The following RCOR2 variants were observed in gnomAD, a reference collection of about 807,000 sequenced individuals.
RCOR2 encodes REST corepressor 2.
Under a neutral mutation model 58.9 loss-of-function variants are expected in RCOR2, and 19 were observed. The observed-to-expected ratio is 0.32, with a 90% CI of 0.23 to 0.47. The LOEUF (loss-of-function observed/expected upper bound fraction) is 0.47. RCOR2 is among the 20% of genes least tolerant of loss of function. The pLI, the probability that RCOR2 is intolerant of heterozygous loss-of-function variation, is 1.00. For synonymous variants in RCOR2, 286 were observed against 278.7 expected (o/e 1.03, Z -0.26); for missense variants, 590 against 707.9 (o/e 0.83, Z 1.89).
chr11:63,923,320 C>T, the RCOR2 span, among the ~76,000 whole-genome samples: 2 of 151,954 alleles, frequency 1.3e-5, no homozygotes, highest in African/African-American at 2.4e-5. Context: ...CTGCACCTCC[C>T]GTACCCCACT....
chr11:63,918,034 G>A (rs1438047088), upstream of RCOR2, among the ~76,000 whole-genome samples: 2 of 152,022 alleles, frequency 1.3e-5, no homozygotes, highest in South Asian at 2.1e-4. Context: ...CACCGGCGGC[G>A]GCTCCGAGCC....
chr11:63,913,506 G>A (rs1481925000), intron 8 of RCOR2, among the ~76,000 whole-genome samples: 12 of 47,408 alleles, frequency 2.5e-4, no homozygotes, highest in Non-Finnish European at 8.0e-4. Context: ...TTTTTGAGAC[G>A]GAATCTCACT....
Position 63,911,698 on chromosome 11 carries a change from A to T in RCOR2, c.*167T>A. The T allele has an allele frequency of 8.8e-7, 1 of 1,142,796 alleles. No homozygotes were observed. The highest frequency in any genetic ancestry group is 1.1e-6 in the Non-Finnish European group (1 of 873,432). The allele number at this position is 1,142,796 out of a possible 1,614,324, so 70.8% of individuals were successfully genotyped here. On this transcript the variant is annotated 3_prime_UTR_variant, in exon 12 of 12. Transcript: ENST00000301459. ...GCCCCAGGAGACAGGCCCAGCTGCC[A>T]GGAACACATGCAGAACCCAAAGGGC... is the stretch of plus-strand genomic sequence containing the variant.
chr11:63,917,096 T>TG lies in RCOR2; in HGVS notation c.-641_-640insC, dbSNP rs1941870376. ...CGCACCCTCCCCGGCGCGCTCGCTC[T>TG]CCCCGCCGCGCTCGGGATGCCGCTT... On this transcript the variant is annotated 5_prime_UTR_variant, in exon 1 of 12. Transcript: ENST00000301459. Among the ~76,000 whole-genome samples, 1 of 151,190 alleles carries TG rather than the reference T, an allele frequency of 6.6e-6. No homozygotes were observed. The highest frequency in any genetic ancestry group is 2.4e-5 in the African/African-American group (1 of 41,308).
chr11:63,915,224 C>T lies in RCOR2; in HGVS notation c.219G>A (p.Lys73=), dbSNP rs1284470556. The T allele has an allele frequency of 1.9e-6, 3 of 1,551,344 alleles. No homozygotes were observed. Among genetic ancestry groups the T allele is most frequent in the Admixed American group, 2.0e-5 (1 of 50,996 alleles). The change falls in exon 3 of 12, where the codon AAG becomes AAA. Residue 73 remains lysine (K), a synonymous_variant. Coordinates refer to ENST00000301459, the MANE Select transcript of RCOR2 (RefSeq NM_173587.4). ...SPARYSNKEL[K]GMLVWSPNHC... is the part of the protein sequence containing the mutation. ...GGTTGGGTGACCACACCAGCATCCC[C>T]TTCAGCTCCTTGTTGCTGTAGCGTG...
chr11:63,923,069 G>A, the RCOR2 span, among the ~76,000 whole-genome samples: 1 of 151,990 alleles, frequency 6.6e-6, no homozygotes, highest in African/African-American at 2.4e-5. Context: ...GGCCATCTGG[G>A]AGGAACCCCT....
chr11:63,912,126 T>C lies in RCOR2; in HGVS notation c.1311A>G (p.Pro437=), dbSNP rs768112221. 4.8e-5 allele frequency: 43 copies of C among 897,684 alleles called. No individual in the cohort carries two copies. In the South Asian group the frequency reaches 6.8e-4, roughly 14 times the overall value. 55.6% of individuals were successfully genotyped at this position (897,684 alleles called of 1,614,324 possible). ...GCGAGGTGGGAGGTGGAGGGGGTGG[T>C]GGCGCAGGGGGCACTGATCGGGGCA... The part of the protein sequence containing the change: ...TSVPRSVPPA[P]PPPPPPTSLS... The change falls in exon 12 of 12, where the codon CCA becomes CCG. Residue 437 remains proline, a synonymous_variant. Coordinates refer to ENST00000301459, the MANE Select transcript of RCOR2 (RefSeq NM_173587.4).
chr11:63,912,414 A>G lies in RCOR2; in HGVS notation c.1148T>C (p.Leu383Pro). ...ATCCTGCTCAGCCTCCCATTCCTGCAGCACCTCCTCCAGATTGAAGCGGCG... is the reference window on the plus strand; with the variant it reads ...ATCCTGCTCAGCCTCCCATTCCTGCGGCACCTCCTCCAGATTGAAGCGGCG... Reference protein sequence around the residue: ...YRRRFNLEEVLQEWEAEQDGA... With the variant: ...YRRRFNLEEVPQEWEAEQDGA... Residue 383 changes from leucine (L) to proline (P), a missense_variant, in exon 11 of 12, where the codon CTG (leucine) becomes CCG (proline). Around this residue, in one of 3 missense-constraint regions of RCOR2, gnomAD observed 196 missense variants for 210.7 expected, o/e 0.93. Transcript: ENST00000301459. 1 of 1,613,840 alleles carries G rather than the reference A, an allele frequency of 6.2e-7. No homozygotes were observed. Among genetic ancestry groups the G allele is most frequent in the Non-Finnish European group, 8.5e-7 (1 of 1,179,946 alleles).
At chr11:63,923,732 C>T in the RCOR2 span, among the ~76,000 whole-genome samples, 13 of 152,234 alleles carry the variant, frequency 8.5e-5, no homozygotes, top group African/African-American at 3.1e-4. Flanking sequence ...TGTGGATAGC[C>T]CCCTCCTTCC....
intron 9 of RCOR2, 53 bp downstream of exon 9, chr11:63,912,817 C>G: frequency 6.2e-7 from 1 of 1,606,646 alleles, no homozygotes; most frequent in Non-Finnish European, 8.5e-7. Context: ...TCTTTCTGCT[C>G]TGCCTCCAGA....
At chr11:63,924,428 C>T in the RCOR2 span, among the ~76,000 whole-genome samples, 33 of 152,256 alleles carry the variant, frequency 2.2e-4, no homozygotes, top group East Asian at 6.2e-3. Context: ...AGGCTGGTCT[C>T]GTAATCCTGA....
At chr11:63,913,467 G>A (rs1941809163) in intron 8 of RCOR2, among the ~76,000 whole-genome samples, 1 of 148,966 alleles carries the variant, frequency 6.7e-6, no homozygotes, top group Non-Finnish European at 1.5e-5. Context: ...TGGGATTACA[G>A]GTATGAGCCA....
intron 2 of RCOR2, 81 bp downstream of exon 2, chr11:63,915,474 C>A: frequency 6.9e-7 from 1 of 1,445,012 alleles, no homozygotes; most frequent in Admixed American, 2.0e-5. Context: ...GGGAGCCAAT[C>A]AAGGGCGCCC....
Position 63,914,588 on chromosome 11 carries a change from C to G in RCOR2, c.481-47G>C, listed in dbSNP as rs374099097. The G allele has an allele frequency of 2.5e-6, 4 of 1,611,234 alleles. No homozygotes were observed. In the African/African-American group the frequency reaches 5.3e-5, roughly 22 times the overall value. On this transcript the variant is annotated intron_variant, in intron 5 of 11. Transcript: ENST00000301459. ...GCTGGGGACCACTCAAGACTCTGGG[C>G]CCCAGGTAAGCTCTTCAGAAAGGAG...
At chr11:63,912,632 G>A (rs1394510884) in intron 10 of RCOR2, 44 bp downstream of exon 10, 1 of 1,606,622 alleles carries the variant, frequency 6.2e-7, no homozygotes, top group Admixed American at 1.7e-5. Flanking sequence ...AGGGTGGGGA[G>A]ATAGATTCCT....
chr11:63,916,365 G>A lies in RCOR2; in HGVS notation c.92C>T (p.Ser31Leu). ...CTCCTCCTCGCTGCTGTCATCCTCCGAGTGGGGCTGTCCGCCGTTGGGCAC... is the reference window on the plus strand; with the variant it reads ...CTCCTCCTCGCTGCTGTCATCCTCCAAGTGGGGCTGTCCGCCGTTGGGCAC... ...KTVPNGGQPH[S>L]EDDSSEEEHS... is the part of the protein sequence containing the mutation. The change falls in exon 1 of 12, where the codon TCG becomes TTG. Residue 31 changes from serine to leucine, a missense_variant. Ser to Leu is a moderately radical substitution (Grantham distance 145, BLOSUM62 -2). This residue lies in a region of RCOR2 where 390 missense variants were observed against 478.7 expected (regional missense o/e 0.81). Coordinates refer to ENST00000301459, the MANE Select transcript of RCOR2 (RefSeq NM_173587.4). The A allele has an allele frequency of 1.2e-6, 2 of 1,607,742 alleles. No individual in the cohort carries two copies. The highest frequency in any genetic ancestry group is 1.7e-6 in the Non-Finnish European group (2 of 1,177,914).
intron 8 of RCOR2, 22 bp downstream of exon 8, chr11:63,913,932 C>T (rs904188076): frequency 4.2e-5 from 68 of 1,609,868 alleles, no homozygotes; most frequent in Non-Finnish European, 5.4e-5. Flanking sequence ...TTGCATAGCC[C>T]GTTCATTTCC....
chr11:63,911,606 AT>A lies in RCOR2; in HGVS notation c.*258del. 2.3e-6 allele frequency: 1 copy of A among 427,568 alleles called. No homozygotes were observed. The highest frequency in any genetic ancestry group is 4.0e-5 in the South Asian group (1 of 25,306). The allele number at this position is 427,568 out of a possible 1,614,324, so 26.5% of individuals were successfully genotyped here. A position where few individuals can be genotyped will look rare whatever the true frequency, so the allele number is the denominator to read the frequency against. ...AGCCCCAGCAGACTAGGACACAGCC[AT>A]TCCAGTACCGGCCAGGAAGCGAAAG... On this transcript the variant is annotated 3_prime_UTR_variant, in exon 12 of 12. Coordinates refer to ENST00000301459, the MANE Select transcript of RCOR2 (RefSeq NM_173587.4).
upstream of RCOR2, among the ~76,000 whole-genome samples, chr11:63,921,062 G>T (rs1241126341): frequency 1.3e-5 from 2 of 152,214 alleles, no homozygotes; most frequent in African/African-American, 4.8e-5. Context: ...GACCAGGCGC[G>T]GGGTCAGCAA....
Sources: gnomAD v4.1 joint callset for allele counts (sites outside exome capture counted in the v4.1 genomes callset) on GRCh38, gnomAD v4.1.1 for gene constraint, gnomAD v4.1.1 regional missense constraint, MANE v1.5 for transcripts, NCBI Gene and HGNC (gene_info 2026-07-23, HGNC 2026-07-21) for gene names.